ROBO1: variants seen among roughly 807,000 people sequenced by gnomAD.
ROBO1 encodes the protein roundabout homolog 1.
In ROBO1, 149 loss-of-function variants were observed where a neutral mutation model predicts 195.9. That is an observed-to-expected ratio of 0.76 (90% confidence interval 0.67 to 0.87). ROBO1 has a LOEUF of 0.87. Ranked by LOEUF, ROBO1 falls within the 40% of genes least tolerant of loss-of-function variation. The pLI, the probability that ROBO1 is intolerant of heterozygous loss-of-function variation, is 0.00. For missense variants in ROBO1, 1,933 were observed against 2,068.3 expected (o/e 0.93, Z 1.27); for synonymous variants, 816 against 733.2 (o/e 1.11, Z -1.82).
At position 78,767,773 on chromosome 3, in the gene ROBO1, T is replaced by C. The variant is rs2083267507; in HGVS notation, c.500-20873A>G. On this transcript the variant is annotated intron_variant, in intron 4 of 30. Transcript: ENST00000464233. ...TTTCAGTGGTGTCAGTTATAGTATCTCCTGTTTTGTTTCTTAGTGAGGTTA... is the reference window on the plus strand; with the variant it reads ...TTTCAGTGGTGTCAGTTATAGTATCCCCTGTTTTGTTTCTTAGTGAGGTTA... Among the ~76,000 whole-genome samples, 10 of 152,332 alleles carry C rather than the reference T, an allele frequency of 6.6e-5. 1 individual carries two copies. The South Asian group carries it at 1.7e-3, about 25-fold the overall frequency.
intron 1 of ROBO1, among the ~76,000 whole-genome samples, chr3:79,685,248 G>A (rs1947066773): frequency 6.6e-6 from 1 of 152,138 alleles, no homozygotes; most frequent in Non-Finnish European, 1.5e-5. Flanking sequence ...CTGTGTGCAT[G>A]TTGGGAAACA....
intron 2 of ROBO1, among the ~76,000 whole-genome samples, chr3:79,282,900 A>C (rs951508115): frequency 1.3e-5 from 2 of 152,204 alleles, no homozygotes; most frequent in African/African-American, 4.8e-5. Flanking sequence ...CTAATAAATA[A>C]AATGCCAAAA....
At chr3:79,049,671 G>T (rs571041163) in intron 3 of ROBO1, among the ~76,000 whole-genome samples, 1 of 152,078 alleles carries the variant, frequency 6.6e-6, no homozygotes, top group Non-Finnish European at 1.5e-5. Context: ...ACCCACAAAG[G>T]GAATCCCATA....
intron 3 of ROBO1, among the ~76,000 whole-genome samples, chr3:78,977,537 C>T (rs1369388109): frequency 6.6e-6 from 1 of 151,430 alleles, no homozygotes; most frequent in Non-Finnish European, 1.5e-5. Flanking sequence ...GAAATTTTTA[C>T]ATTTTCATAT....
intron 3 of ROBO1, among the ~76,000 whole-genome samples, chr3:78,983,736 T>A (rs1380294858): frequency 3.9e-5 from 6 of 152,174 alleles, no homozygotes; most frequent in African/African-American, 1.4e-4. Context: ...AAGGCAAGGA[T>A]GTGACCACTG....
At chr3:79,620,199 A>C (rs555116039) in intron 1 of ROBO1, among the ~76,000 whole-genome samples, 5 of 152,120 alleles carry the variant, frequency 3.3e-5, no homozygotes, top group African/African-American at 1.2e-4. Context: ...TGTCTAACTC[A>C]CCCGGCAACC....
At chr3:79,090,666 T>C (rs1576662186) in intron 3 of ROBO1, among the ~76,000 whole-genome samples, 1 of 152,258 alleles carries the variant, frequency 6.6e-6, no homozygotes, top group South Asian at 2.1e-4. Flanking sequence ...GCCTAACCTC[T>C]CTATACCTCT....
chr3:78,979,824 A>C (rs937767196), intron 3 of ROBO1, among the ~76,000 whole-genome samples: 18 of 149,188 alleles, frequency 1.2e-4, no homozygotes, highest in Admixed American at 6.7e-4. Flanking sequence ...TACACACACA[A>C]ACACACACAC....
At chr3:78,861,454 CT>C (rs2034830578) in intron 4 of ROBO1, among the ~76,000 whole-genome samples, 1 of 152,168 alleles carries the variant, frequency 6.6e-6, no homozygotes, top group African/African-American at 2.4e-5. Context: ...TAGGACATGA[CT>C]TTTATCATTA....
intron 1 of ROBO1, among the ~76,000 whole-genome samples, chr3:79,673,838 G>A (rs1358769198): frequency 1.3e-5 from 2 of 151,838 alleles, no homozygotes; most frequent in Non-Finnish European, 2.9e-5. Flanking sequence ...TCTTCCACTC[G>A]CTGCAGTCTA....
At chr3:79,527,569 A>G (rs1383121365) in intron 2 of ROBO1, among the ~76,000 whole-genome samples, 1 of 152,162 alleles carries the variant, frequency 6.6e-6, no homozygotes, top group Non-Finnish European at 1.5e-5. Context: ...TCAGACAGCT[A>G]AACTCAGCAA....
chr3:79,719,887 T>A lies in ROBO1; in HGVS notation c.-51+47865A>T, dbSNP rs570322700. ...AAAAAATAAATATTGTGCTATTAAA[T>A]CATATTTCTGTTTAACCAAGGTTCA... On this transcript the variant is annotated intron_variant, in intron 1 of 30. Transcript: ENST00000464233. 1.1e-4 allele frequency among the ~76,000 whole-genome samples: 17 copies of A among 152,304 alleles called. No homozygotes were observed. In the South Asian group the frequency reaches 3.5e-3, roughly 32 times the overall value.
chr3:79,668,878 G>A (rs1034641588), intron 1 of ROBO1, among the ~76,000 whole-genome samples: 3 of 151,874 alleles, frequency 2.0e-5, no homozygotes, highest in Non-Finnish European at 2.9e-5. Context: ...GGCAAAGAGA[G>A]TATAGACGGA....
intron 8 of ROBO1, among the ~76,000 whole-genome samples, chr3:78,701,261 G>C (rs952449696): frequency 1.3e-5 from 2 of 152,180 alleles, no homozygotes; most frequent in Admixed American, 6.5e-5. Flanking sequence ...GATGAACATA[G>C]ATGCATAATT....
intron 1 of ROBO1, among the ~76,000 whole-genome samples, chr3:79,632,491 G>T (rs1560055274): frequency 6.6e-6 from 1 of 152,164 alleles, no homozygotes; most frequent in East Asian, 1.9e-4. Context: ...AAGGTAGGAG[G>T]GTAGTGAGGG....
At chr3:79,160,592 T>C (rs948552084) in intron 2 of ROBO1, among the ~76,000 whole-genome samples, 3 of 152,012 alleles carry the variant, frequency 2.0e-5, no homozygotes, top group African/African-American at 7.2e-5. Flanking sequence ...AGATATAAAC[T>C]TGTAAAATTT....
chr3:78,637,165 A>C (rs1425292052), intron 22 of ROBO1, among the ~76,000 whole-genome samples: 10 of 147,026 alleles, frequency 6.8e-5, no homozygotes, highest in Admixed American at 6.7e-4. Flanking sequence ...ATGTTTAAAA[A>C]TTATAAATTA....
chr3:79,693,776 ATAACT>A (rs1175498711), intron 1 of ROBO1, among the ~76,000 whole-genome samples: 1 of 151,702 alleles, frequency 6.6e-6, no homozygotes, highest in African/African-American at 2.4e-5. Context: ...TCTAAGATAA[ATAACT>A]TAATTTACAC....
At chr3:79,024,551 C>CATCTTTGTT (rs1454715996) in intron 3 of ROBO1, among the ~76,000 whole-genome samples, 2 of 152,154 alleles carry the variant, frequency 1.3e-5, no homozygotes, top group African/African-American at 2.4e-5. Flanking sequence ...AACCAAAGCA[C>CATCTTTGTT]TTGAAGAAAC....
Sources: allele counts gnomAD v4.1 joint callset (sites outside exome capture counted in the v4.1 genomes callset), GRCh38; gene constraint gnomAD v4.1.1; transcripts MANE v1.5; gene names NCBI Gene and HGNC (gene_info 2026-07-23, HGNC 2026-07-21).